Variants in UAP1 observed in about 807,000 individuals in gnomAD.
UAP1 encodes UDP-N-acetylhexosamine pyrophosphorylase.
In UAP1, 25 loss-of-function variants were observed where a neutral mutation model predicts 58.5. The observed-to-expected ratio is 0.43, with a 90% CI of 0.31 to 0.60. The LOEUF (loss-of-function observed/expected upper bound fraction) is 0.60, where lower values mean the gene tolerates loss of function less well. Ranked by LOEUF, UAP1 falls within the 20% of genes least tolerant of loss-of-function variation. The pLI, the probability that UAP1 is intolerant of heterozygous loss-of-function variation, is 0.11. For synonymous variants in UAP1, 208 were observed against 213.0 expected, an observed-to-expected ratio of 0.98 and a Z score of 0.21; for missense variants, 575 against 630.0, an observed-to-expected ratio of 0.91 and a Z score of 0.93.
intron 9 of UAP1, among the ~76,000 whole-genome samples, chr1:162,595,422 G>A (rs368224930): frequency 1.3e-5 from 2 of 151,272 alleles, no homozygotes; most frequent in East Asian, 3.9e-4. Flanking sequence ...TTTTTTCCTC[G>A]GCATGCCTAC....
intron 7 of UAP1, among the ~76,000 whole-genome samples, chr1:162,589,134 T>TATAA (rs1655104770): frequency 9.2e-6 from 1 of 108,446 alleles, no homozygotes; most frequent in Admixed American, 1.3e-4. Context: ...TATATATAAT[T>TATAA]TATATATTTA....
At chr1:162,579,752 A>G in intron 4 of UAP1, 149 bp downstream of exon 4, 3 of 718,730 alleles carry the variant, frequency 4.2e-6, no homozygotes, top group Non-Finnish European at 6.3e-6. Flanking sequence ...AAAAAGATGA[A>G]AATGCCCGTT....
chr1:162,570,098 A>G (rs1028011869), intron 2 of UAP1, among the ~76,000 whole-genome samples: 23 of 152,094 alleles, frequency 1.5e-4, no homozygotes, highest in South Asian at 4.2e-4. Context: ...GCAGTGAGCC[A>G]AGATCGTGCC....
intron 7 of UAP1, among the ~76,000 whole-genome samples, chr1:162,589,150 TATATA>T (rs1655110699): frequency 1.1e-5 from 1 of 93,632 alleles, no homozygotes; most frequent in Non-Finnish European, 2.0e-5. Flanking sequence ...ATTTATATAA[TATATA>T]TTATATATAA....
chr1:162,594,562 C>T (rs1655509902), intron 9 of UAP1, among the ~76,000 whole-genome samples: 1 of 152,170 alleles, frequency 6.6e-6, no homozygotes, highest in South Asian at 2.1e-4. Context: ...AACTGGGATG[C>T]AGAGCCCTTT....
At chr1:162,583,977 C>G (rs1233941904) in intron 5 of UAP1, among the ~76,000 whole-genome samples, 1 of 152,180 alleles carries the variant, frequency 6.6e-6, no homozygotes, top group Admixed American at 6.5e-5. Context: ...GCTCAAGGTT[C>G]TTTATCACAT....
At chr1:162,597,709 G>A (rs1410657204) in intron 9 of UAP1, 83 bp from the exon 10 acceptor site, 2 of 1,119,978 alleles carry the variant, frequency 1.8e-6, no homozygotes, top group African/African-American at 3.1e-5. Flanking sequence ...AAGCTTCTCA[G>A]AGGAAAGTTA....
chr1:162,572,178 G>A (rs905056603), intron 2 of UAP1, among the ~76,000 whole-genome samples: 4 of 152,178 alleles, frequency 2.6e-5, no homozygotes, highest in Admixed American at 6.5e-5. Flanking sequence ...TATCAGGTTC[G>A]GAGATGGAAA....
At chr1:162,575,882 T>C (rs1325409246) in intron 2 of UAP1, among the ~76,000 whole-genome samples, 1 of 151,954 alleles carries the variant, frequency 6.6e-6, no homozygotes, top group Non-Finnish European at 1.5e-5. Context: ...CAGGTTTCGC[T>C]ATGTTGGCCA....
At chr1:162,567,292 TA>T (rs1653574906) in intron 2 of UAP1, among the ~76,000 whole-genome samples, 1 of 152,234 alleles carries the variant, frequency 6.6e-6, no homozygotes, top group African/African-American at 2.4e-5. Flanking sequence ...TCTTCCTCAA[TA>T]AATTGTAAAT....
intron 5 of UAP1, 62 bp downstream of exon 5, chr1:162,581,521 C>A: frequency 6.7e-7 from 1 of 1,492,506 alleles, no homozygotes; most frequent in Non-Finnish European, 9.0e-7. Context: ...ATACGCATTC[C>A]AGAAGTCAAA....
intron 2 of UAP1, among the ~76,000 whole-genome samples, chr1:162,567,097 A>G (rs774669294): frequency 6.6e-6 from 1 of 152,100 alleles, no homozygotes; most frequent in Non-Finnish European, 1.5e-5. Context: ...TTCTCTACCT[A>G]GCTAGGTCAC....
chr1:162,596,003 C>G (rs79102380), intron 9 of UAP1, among the ~76,000 whole-genome samples: 1 of 151,826 alleles, frequency 6.6e-6, no homozygotes, highest in African/African-American at 2.4e-5. Context: ...AGATGCTCGC[C>G]TCCAAGCCCA....
intron 4 of UAP1, among the ~76,000 whole-genome samples, chr1:162,580,120 G>A (rs1314469028): frequency 6.6e-6 from 1 of 152,150 alleles, no homozygotes; most frequent in Non-Finnish European, 1.5e-5. Context: ...ACCTGCCTTG[G>A]CCTCCCAAAG....
downstream of UAP1, among the ~76,000 whole-genome samples, chr1:162,600,891 A>T (rs1655871230): frequency 6.6e-6 from 1 of 152,198 alleles, no homozygotes; most frequent in South Asian, 2.1e-4. Context: ...AATGCCAAAA[A>T]CTGATACTAA....
At chr1:162,594,044 T>G (rs923835417) in intron 9 of UAP1, among the ~76,000 whole-genome samples, 1 of 152,230 alleles carries the variant, frequency 6.6e-6, no homozygotes, top group Non-Finnish European at 1.5e-5. Context: ...ACTGGCTTTG[T>G]GGAAGACAAT....
chr1:162,563,108 T>A (rs1463386878), intron 1 of UAP1, among the ~76,000 whole-genome samples: 1 of 152,232 alleles, frequency 6.6e-6, no homozygotes, highest in East Asian at 1.9e-4. Flanking sequence ...TAAAAATCCA[T>A]ATCTTTTAAC....
intron 7 of UAP1, among the ~76,000 whole-genome samples, chr1:162,589,689 A>G (rs6672561): frequency 0.72 from 110,121 of 152,114 alleles, 40,220 homozygotes; most frequent in Admixed American, 0.81. Flanking sequence ...GCTGTATAAA[A>G]TTAATGCGTG....
chr1:162,589,009 G>A (rs1176983402), intron 7 of UAP1, among the ~76,000 whole-genome samples, 176 bp downstream of exon 7: 2 of 145,068 alleles, frequency 1.4e-5, no homozygotes, highest in Non-Finnish European at 3.0e-5. Context: ...AACCAGGAGT[G>A]TGATCTGAGT....
Sources: allele counts gnomAD v4.1 joint callset (sites outside exome capture counted in the v4.1 genomes callset), GRCh38; gene constraint gnomAD v4.1.1; transcripts MANE v1.5; gene names NCBI Gene and HGNC (gene_info 2026-07-23, HGNC 2026-07-21).